Variants in TMEM260 observed in about 807,000 individuals in gnomAD.
The protein encoded by TMEM260 is protein O-mannosyl-transferase TMEM260.
A neutral mutation model predicts 88.9 loss-of-function variants in TMEM260; 82 were observed. That is an observed-to-expected ratio of 0.92 (90% CI 0.77 to 1.11). TMEM260 has a LOEUF of 1.11. Among genes scored for constraint, TMEM260 ranks in the 50% least tolerant of loss-of-function variants. The pLI, the probability that TMEM260 is intolerant of heterozygous loss-of-function variation, is 0.00. For synonymous variants in TMEM260, 314 were observed against 309.3 expected (o/e 1.02, Z -0.16); for missense variants, 902 against 853.4 (o/e 1.06, Z -0.71).
chr14:56,637,030 G>A (rs984495305), intron 15 of TMEM260, among the ~76,000 whole-genome samples: 7 of 152,174 alleles, frequency 4.6e-5, no homozygotes, highest in African/African-American at 1.7e-4. Flanking sequence ...CAGAGAGAGA[G>A]AAACTTGAAC....
intron 14 of TMEM260, 25 bp downstream of exon 14, chr14:56,634,977 T>C (rs1888925073): frequency 4.4e-6 from 7 of 1,608,048 alleles, no homozygotes; most frequent in Non-Finnish European, 6.0e-6. Flanking sequence ...TTTTTGTGTG[T>C]GCAGTCTATT....
At chr14:56,593,907 T>G (rs1451405170) in intron 3 of TMEM260, among the ~76,000 whole-genome samples, 1 of 151,560 alleles carries the variant, frequency 6.6e-6, no homozygotes, top group Non-Finnish European at 1.5e-5. Context: ...CAGGATGGTC[T>G]CGATCTCCTG....
At position 56,615,945 on chromosome 14, in the gene TMEM260, T is replaced by C. The variant is rs762082963; in HGVS notation, c.859T>C (p.Ser287Pro). 1.3e-5 allele frequency: 21 copies of C among 1,611,098 alleles called. No homozygotes were observed. The highest frequency in any genetic ancestry group is 3.3e-5 in the Admixed American group (2 of 59,948). ...AATAAGTTAGATTGTTTTTTGCAGTTCTCAAGTAACAAATATGAGGACCGA... is the reference window on the plus strand; with the variant it reads ...AATAAGTTAGATTGTTTTTTGCAGTCCTCAAGTAACAAATATGAGGACCGA... ...IGSSMSEILL[S>P]QVTNMRTELS... The change falls in exon 8 of 16, where the codon TCT (serine) becomes CCT (proline). Residue 287 changes from serine to proline, a missense_variant and splice_region_variant. By Grantham distance (74) the Ser-to-Pro change is moderately conservative. Transcript: ENST00000261556.
At chr14:56,645,323 A>G (rs1418629835) in intron 15 of TMEM260, among the ~76,000 whole-genome samples, 7 of 152,040 alleles carry the variant, frequency 4.6e-5, no homozygotes, top group African/African-American at 1.7e-4. Flanking sequence ...ATAAAAAATG[A>G]TGAGTTCATG....
In TMEM260 at chr14:56,594,050, A is replaced by T. The variant is rs1270915000; in HGVS notation, c.344+8138A>T. Among the ~76,000 whole-genome samples the T allele has an allele frequency of 2.6e-5, 4 of 152,194 alleles. No homozygotes were observed. The East Asian group carries it at 7.7e-4, about 29-fold the overall frequency. ...ATTATCATAGTGGTGGTGGTTGAAG[A>T]TTGTGATCTTTTCCTCATATGACCT... On this transcript the variant is annotated intron_variant, in intron 3 of 15. Coordinates refer to ENST00000261556, the MANE Select transcript of TMEM260 (RefSeq NM_017799.4).
In TMEM260 at chr14:56,647,327, C is replaced by T. The variant is rs761536791; in HGVS notation, c.1954C>T (p.Arg652Cys). ...NYAIACERML[R>C]LQARDADPEV... The stretch of plus-strand genomic sequence containing the variant: ...TGCCATCGCCTGTGAGCGGATGCTG[C>T]GTCTTCAGGCAAGAGATGCAGATCC... The change falls in exon 16 of 16, where the codon CGT becomes TGT. Residue 652 changes from arginine (R) to cysteine (C), a missense_variant. By Grantham distance (180) the Arg-to-Cys change is radical. Transcript: ENST00000261556. 72 of 1,614,058 alleles carry T rather than the reference C, an allele frequency of 4.5e-5. No individual in the cohort carries two copies. In the Middle Eastern group the frequency reaches 4.9e-4, roughly 11 times the overall value.
At chr14:56,595,982 A>G (rs1345016874) in intron 3 of TMEM260, among the ~76,000 whole-genome samples, 1 of 152,160 alleles carries the variant, frequency 6.6e-6, no homozygotes, top group Non-Finnish European at 1.5e-5. Context: ...ACATCATTTT[A>G]TTTAAGAAAA....
chr14:56,655,219 G>A (rs970495643), downstream of TMEM260, among the ~76,000 whole-genome samples: 6 of 151,788 alleles, frequency 4.0e-5, no homozygotes, highest in African/African-American at 1.5e-4. Flanking sequence ...GTGAAACCCC[G>A]TCTCTACTAA....
chr14:56,662,421 G>A, the TMEM260 span, among the ~76,000 whole-genome samples: 21 of 152,070 alleles, frequency 1.4e-4, no homozygotes, highest in South Asian at 4.1e-4. Context: ...GCGGCCTTTC[G>A]CAACCAGGAA....
intron 12 of TMEM260, among the ~76,000 whole-genome samples, chr14:56,629,169 T>C (rs2139616417): frequency 6.6e-6 from 1 of 152,202 alleles, no homozygotes; most frequent in East Asian, 1.9e-4. Flanking sequence ...GTGCTAGGAT[T>C]ACAGGCGTGA....
the TMEM260 span, among the ~76,000 whole-genome samples, chr14:56,662,534 C>T: frequency 6.6e-6 from 1 of 152,196 alleles, no homozygotes; most frequent in South Asian, 2.1e-4. Context: ...GTTACTGCAA[C>T]TGCTACAACC....
intron 15 of TMEM260, among the ~76,000 whole-genome samples, chr14:56,637,046 AGATG>A (rs1889149456): frequency 6.6e-6 from 1 of 152,220 alleles, no homozygotes; most frequent in African/African-American, 2.4e-5. Context: ...TGAACTTTGC[AGATG>A]GAGGAAGGAG....
chr14:56,609,713 C>T (rs1042396630), intron 6 of TMEM260, among the ~76,000 whole-genome samples: 2 of 152,056 alleles, frequency 1.3e-5, no homozygotes, highest in African/African-American at 2.4e-5. Context: ...ATTTCATGAA[C>T]AGTTTTTATG....
intron 15 of TMEM260, among the ~76,000 whole-genome samples, chr14:56,641,600 G>T (rs1889598770): frequency 6.6e-6 from 1 of 152,190 alleles, no homozygotes; most frequent in East Asian, 1.9e-4. Context: ...GGAAGAAACT[G>T]CATCAACTAA....
At chr14:56,646,701 C>T (rs1354834392) in intron 15 of TMEM260, among the ~76,000 whole-genome samples, 1 of 152,192 alleles carries the variant, frequency 6.6e-6, no homozygotes, top group Non-Finnish European at 1.5e-5. Flanking sequence ...TCACACCCAG[C>T]CTCTCTGATG....
intron 7 of TMEM260, 22 bp from the exon 8 acceptor site, chr14:56,615,919 CAAT>C (rs1378036200): frequency 6.5e-7 from 1 of 1,547,846 alleles, no homozygotes; most frequent in Non-Finnish European, 8.9e-7. Context: ...TTCCTGCCAA[CAAT>C]AAGTTAGATT....
At chr14:56,655,665 T>G in the TMEM260 span, among the ~76,000 whole-genome samples, 5 of 152,202 alleles carry the variant, frequency 3.3e-5, no homozygotes, top group Admixed American at 6.5e-5. Context: ...CAAGAAAATG[T>G]GTGAACAAGA....
At chr14:56,593,184 C>T (rs1885971431) in intron 3 of TMEM260, 1 of 152,190 alleles carries the variant, frequency 6.6e-6, no homozygotes, top group Non-Finnish European at 1.5e-5. Flanking sequence ...TTATCTGGGT[C>T]TCATGAATTT....
At position 56,615,990 on chromosome 14, in the gene TMEM260, G is replaced by A. The variant is rs1258704843; in HGVS notation, c.904G>A (p.Ala302Thr). ...GACCGAACTCTCATTCAACATCCAA[G>A]CCCTTGCAGTTTGTGCAAATATATG... ...MRTELSFNIQ[A>T]LAVCANICLA... The change falls in exon 8 of 16, where the codon GCC (alanine) becomes ACC (threonine). Residue 302 changes from alanine (A) to threonine (T), a missense_variant. Transcript: ENST00000261556. The A allele has an allele frequency of 6.2e-7, 1 of 1,613,222 alleles. No individual in the cohort carries two copies. The highest frequency in any genetic ancestry group is 2.2e-5 in the East Asian group (1 of 44,790).
Sources: allele counts gnomAD v4.1 joint callset (sites outside exome capture counted in the v4.1 genomes callset), GRCh38; gene constraint gnomAD v4.1.1; transcripts MANE v1.5; gene names NCBI Gene and HGNC (gene_info 2026-07-23, HGNC 2026-07-21).